The following AFG2A variants were observed in gnomAD, a reference collection of about 807,000 sequenced individuals.
AFG2A encodes AAA ATPase AFG2A.
the AFG2A span, among the ~76,000 whole-genome samples, chr4:123,071,041 T>C: frequency 1.3e-5 from 2 of 152,244 alleles, no homozygotes; most frequent in Non-Finnish European, 2.9e-5. Flanking sequence ...GAAAGTAAGT[T>C]TGAACTGACA....
the AFG2A span, among the ~76,000 whole-genome samples, chr4:122,974,678 T>C: frequency 2.0e-5 from 3 of 152,140 alleles, no homozygotes; most frequent in Non-Finnish European, 4.4e-5. Context: ...TTTGCTATTA[T>C]TGCCCAGGCT....
At chr4:123,270,365 A>T in the AFG2A span, among the ~76,000 whole-genome samples, 2 of 152,350 alleles carry the variant, frequency 1.3e-5, no homozygotes, top group African/African-American at 4.8e-5. Flanking sequence ...GTGGATATTT[A>T]AAAAATGCCA....
chr4:123,111,588 T>C, the AFG2A span, among the ~76,000 whole-genome samples: 7 of 152,322 alleles, frequency 4.6e-5, 1 homozygote, highest in Admixed American at 3.3e-4. Context: ...TTTATTTTTT[T>C]CCCTTTAATA....
chr4:123,011,013 A>C, the AFG2A span, among the ~76,000 whole-genome samples: 1 of 152,148 alleles, frequency 6.6e-6, no homozygotes, highest in African/African-American at 2.4e-5. Context: ...ATTGTTTTCT[A>C]ATACTTTCTT....
chr4:122,973,569 C>T, the AFG2A span, among the ~76,000 whole-genome samples: 1 of 151,622 alleles, frequency 6.6e-6, no homozygotes, highest in African/African-American at 2.4e-5. Context: ...TAGTGAATAT[C>T]CTATGTTTGT....
At chr4:123,211,352 C>T in the AFG2A span, among the ~76,000 whole-genome samples, 3 of 152,064 alleles carry the variant, frequency 2.0e-5, no homozygotes, top group African/African-American at 7.2e-5. Context: ...GAAGAATGTT[C>T]TGTGACAAGT....
At chr4:123,109,017 A>G in the AFG2A span, among the ~76,000 whole-genome samples, 308 of 152,252 alleles carry the variant, frequency 2.0e-3, 1 homozygote, top group Non-Finnish European at 3.4e-3. Flanking sequence ...TTGCTACTGC[A>G]TTTATAAACC....
At chr4:123,090,469 A>C in the AFG2A span, 180 of 1,263,600 alleles carry the variant, frequency 1.4e-4, 1 homozygote, top group African/African-American at 2.5e-3. Flanking sequence ...TTCATATTTG[A>C]AAATAGACAT....
At chr4:123,011,476 C>T in the AFG2A span, among the ~76,000 whole-genome samples, 6 of 152,264 alleles carry the variant, frequency 3.9e-5, no homozygotes, top group East Asian at 1.9e-4. Context: ...GTTTCACTCG[C>T]GTCCCTGTGA....
chr4:122,936,199 TGTATTA>T, the AFG2A span: 1 of 1,509,492 alleles, frequency 6.6e-7, no homozygotes. Flanking sequence ...TAATCAAGGC[TGTATTA>T]GTCAAAGTGA....
the AFG2A span, among the ~76,000 whole-genome samples, chr4:123,230,008 G>A: frequency 2.0e-5 from 3 of 151,842 alleles, no homozygotes; most frequent in East Asian, 5.8e-4. Flanking sequence ...AAAAATGCTA[G>A]CAATCATCTG....
At chr4:122,941,317 A>C in the AFG2A span, among the ~76,000 whole-genome samples, 1 of 143,596 alleles carries the variant, frequency 7.0e-6, no homozygotes, top group Non-Finnish European at 1.5e-5. Context: ...CTCGAGCAGT[A>C]GTTTGTAGTT....
At chr4:123,145,261 A>G in the AFG2A span, among the ~76,000 whole-genome samples, 1 of 152,072 alleles carries the variant, frequency 6.6e-6, no homozygotes, top group Admixed American at 6.5e-5. Flanking sequence ...TCTTTTACTC[A>G]GTTGCCCAAT....
the AFG2A span, among the ~76,000 whole-genome samples, chr4:123,187,604 A>C: frequency 2.6e-5 from 4 of 152,144 alleles, no homozygotes; most frequent in African/African-American, 9.7e-5. Flanking sequence ...GATTAGACAT[A>C]ATTGTATCAT....
chr4:123,120,593 G>T, the AFG2A span, among the ~76,000 whole-genome samples: 3 of 152,040 alleles, frequency 2.0e-5, no homozygotes, highest in African/African-American at 7.2e-5. Flanking sequence ...ACCATGTTTT[G>T]GTCAACATCA....
the AFG2A span, chr4:122,927,763 G>A: frequency 6.2e-7 from 1 of 1,611,460 alleles, no homozygotes; most frequent in Non-Finnish European, 8.5e-7. Context: ...CAAGAGGTAA[G>A]AGTCTTTTTC....
the AFG2A span, among the ~76,000 whole-genome samples, chr4:123,303,615 G>T: frequency 6.6e-6 from 1 of 151,924 alleles, no homozygotes; most frequent in African/African-American, 2.4e-5. Flanking sequence ...ACATAAAAAA[G>T]CCAGGCGTGG....
chr4:123,067,262 T>C, the AFG2A span, among the ~76,000 whole-genome samples: 1 of 152,106 alleles, frequency 6.6e-6, no homozygotes, highest in Non-Finnish European at 1.5e-5. Context: ...CTCACACCTG[T>C]AATCCCAGCA....
At chr4:123,083,529 A>G in the AFG2A span, among the ~76,000 whole-genome samples, 7 of 151,624 alleles carry the variant, frequency 4.6e-5, no homozygotes, top group Non-Finnish European at 1.5e-5. Flanking sequence ...ACTTGGAATA[A>G]ATCCCACTTT....
Sources: allele counts gnomAD v4.1 joint callset (sites outside exome capture counted in the v4.1 genomes callset), GRCh38; gene constraint gnomAD v4.1.1; transcripts MANE v1.5; gene names NCBI Gene and HGNC (gene_info 2026-07-23, HGNC 2026-07-21).